PON2: variants seen among roughly 807,000 people sequenced by gnomAD.
The protein encoded by PON2 is serum paraoxonase/arylesterase 2.
A neutral mutation model predicts 36.6 loss-of-function variants in PON2; 27 were observed. That is an observed-to-expected ratio of 0.74 (90% CI 0.54 to 1.02). The LOEUF (loss-of-function observed/expected upper bound fraction) is 1.02. PON2 is among the 50% of genes least tolerant of loss of function. The pLI, the probability that PON2 is intolerant of heterozygous loss-of-function variation, is 0.00. For synonymous variants in PON2, 149 were observed against 156.3 expected (o/e 0.95, Z 0.35); for missense variants, 363 against 421.1 (o/e 0.86, Z 1.21).
At chr7:95,411,832 T>G in intron 4 of PON2, 53 bp from the exon 5 acceptor site, 1 of 1,592,938 alleles carries the variant, frequency 6.3e-7, no homozygotes, top group South Asian at 1.1e-5. Context: ...ACGGGACCTC[T>G]GGGCAGGCAC....
In PON2 at chr7:95,407,063, A is replaced by T; in HGVS notation, c.701T>A (p.Ile234Asn). 6.3e-7 allele frequency: 1 copy of T among 1,589,982 alleles called. No homozygotes were observed. Among genetic ancestry groups the T allele is most frequent in the Admixed American group, 1.7e-5 (1 of 59,868 alleles). The change falls in exon 7 of 9, where the codon ATC (isoleucine) becomes AAC (asparagine). Residue 234 changes from isoleucine to asparagine, a missense_variant. Transcript: ENST00000222572. ...ATGAGCCAATATGTCAGCAACATAG[A>T]TATACCTTTGCAGAAAGGACACAGT... ...GINISPDDKY[I>N]YVADILAHEI...
At chr7:95,412,263 T>C in intron 4 of PON2, 49 bp downstream of exon 4, 1 of 1,596,490 alleles carries the variant, frequency 6.3e-7, no homozygotes, top group Non-Finnish European at 8.6e-7. Context: ...TCACAGTCAT[T>C]TGTGAACCAT....
At chr7:95,411,898 C>CTA in intron 4 of PON2, 119 bp from the exon 5 acceptor site, 2 of 1,039,506 alleles carry the variant, frequency 1.9e-6, no homozygotes, top group Non-Finnish European at 2.9e-6. Flanking sequence ...GTTAGACGAC[C>CTA]TAACAGATCA....
At chr7:95,414,328 T>C (rs1040189322) in intron 3 of PON2, among the ~76,000 whole-genome samples, 2 of 152,154 alleles carry the variant, frequency 1.3e-5, no homozygotes, top group African/African-American at 2.4e-5. Flanking sequence ...TAGGTTTTAT[T>C]AGAGACAATG....
At chr7:95,420,538 T>A (rs369544381) in intron 2 of PON2, among the ~76,000 whole-genome samples, 7 of 152,232 alleles carry the variant, frequency 4.6e-5, no homozygotes, top group African/African-American at 1.7e-4. Context: ...ACATCCTGTA[T>A]GATATGTAGT....
At chr7:95,421,334 G>A (rs1183503220) in intron 2 of PON2, among the ~76,000 whole-genome samples, 1 of 152,238 alleles carries the variant, frequency 6.6e-6, no homozygotes, top group Non-Finnish European at 1.5e-5. Flanking sequence ...TCTACTCTGA[G>A]ACTTGTATTC....
Position 95,411,510 on chromosome 7 carries a change from A to C in PON2, c.494+143T>G, listed in dbSNP as rs550735014. On this transcript the variant is annotated intron_variant, in intron 5 of 8. Transcript: ENST00000222572. The stretch of plus-strand genomic sequence containing the variant: ...AGGAAACTATACACACACATTTATA[A>C]ATAAGGAAATATAAGCTCTTTAGCT... 8.4e-5 allele frequency: 90 copies of C among 1,066,248 alleles called. No homozygotes were observed. The African/African-American group carries it at 1.4e-3, about 16-fold the overall frequency. 66.0% of individuals were successfully genotyped at this position (1,066,248 alleles called of 1,614,324 possible). A position where few individuals can be genotyped will look rare whatever the true frequency, so the allele number is the denominator to read the frequency against.
chr7:95,407,902 G>C (rs1335789290), intron 6 of PON2, among the ~76,000 whole-genome samples: 1 of 152,168 alleles, frequency 6.6e-6, no homozygotes, highest in Non-Finnish European at 1.5e-5. Context: ...GGACGGAGGA[G>C]GCACTTCCCA....
chr7:95,407,115 C>T (rs1223434160), intron 6 of PON2, 47 bp from the exon 7 acceptor site: 2 of 1,207,334 alleles, frequency 1.7e-6, no homozygotes, highest in Non-Finnish European at 2.5e-6. Flanking sequence ...CAATATAAAG[C>T]TTCATTAATA....
At chr7:95,410,990 A>G (rs1326889408) in intron 5 of PON2, among the ~76,000 whole-genome samples, 2 of 152,142 alleles carry the variant, frequency 1.3e-5, no homozygotes, top group East Asian at 3.8e-4. Context: ...TTTTAATTTC[A>G]TTAGAAATGA....
chr7:95,419,556 TCCTTTTTAG>T (rs1789146269), intron 2 of PON2, among the ~76,000 whole-genome samples: 1 of 152,178 alleles, frequency 6.6e-6, no homozygotes, highest in African/African-American at 2.4e-5. Flanking sequence ...TTCCCCTTCT[TCCTTTTTAG>T]CCTTTTTAGC....
At chr7:95,426,530 G>T (rs1789321764) in intron 1 of PON2, among the ~76,000 whole-genome samples, 1 of 152,222 alleles carries the variant, frequency 6.6e-6, no homozygotes, top group East Asian at 1.9e-4. Context: ...AGCCAGAAGT[G>T]CTGGAAGCAG....
intron 1 of PON2, 124 bp from the exon 2 acceptor site, chr7:95,424,709 A>G: frequency 1.4e-6 from 1 of 728,450 alleles, no homozygotes; most frequent in South Asian, 1.7e-5. Context: ...TCTAAAGCAG[A>G]TGAAAGAGAA....
At position 95,435,025 on chromosome 7, in the gene PON2, C is replaced by A; in HGVS notation, c.-74G>T. On this transcript the variant is annotated 5_prime_UTR_variant, in exon 1 of 9. Transcript: ENST00000222572. ...CGTGGGCGGTGCCATCTTCCCGGCT[C>A]GATGGTGCCGGCCGCGCTCCGCCCC... 3 of 1,409,094 alleles carry A rather than the reference C, an allele frequency of 2.1e-6. No individual in the cohort carries two copies. The highest frequency in any genetic ancestry group is 1.5e-5 in the African/African-American group (1 of 66,602). The allele number at this position is 1,409,094 out of a possible 1,614,324, so 87.3% of individuals were successfully genotyped here. A position where few individuals can be genotyped will look rare whatever the true frequency, so the allele number is the denominator to read the frequency against.
chr7:95,417,624 GT>G (rs763899757), intron 2 of PON2, among the ~76,000 whole-genome samples: 3 of 99,908 alleles, frequency 3.0e-5, no homozygotes, highest in Non-Finnish European at 6.9e-5. Flanking sequence ...CTGGTAATAA[GT>G]TAAGAATCAG....
intron 1 of PON2, among the ~76,000 whole-genome samples, chr7:95,427,200 T>C (rs2116501698): frequency 6.6e-6 from 1 of 152,296 alleles, no homozygotes; most frequent in South Asian, 2.1e-4. Context: ...TCCTGGACCA[T>C]CAAGACTTCC....
Position 95,412,240 on chromosome 7 carries a change from C to T in PON2, c.367+72G>A, listed in dbSNP as rs1039368888. On this transcript the variant is annotated intron_variant, in intron 4 of 8. Transcript: ENST00000222572. ...GTTCTTCTCTTCCTAGAAATATGATCCAAATCTATTTTTCACAGTCATTTG... is the reference window on the plus strand; with the variant it reads ...GTTCTTCTCTTCCTAGAAATATGATTCAAATCTATTTTTCACAGTCATTTG... 10 of 1,560,374 alleles carry T rather than the reference C, an allele frequency of 6.4e-6. No homozygotes were observed. In the African/African-American group the frequency reaches 1.2e-4, roughly 19 times the overall value.
intron 2 of PON2, chr7:95,418,276 C>T (rs942391677): frequency 6.6e-6 from 1 of 152,156 alleles, no homozygotes; most frequent in South Asian, 2.1e-4. Flanking sequence ...CTTGTAAATA[C>T]CCTGCATACA....
chr7:95,412,348 A>C lies in PON2; in HGVS notation c.331T>G (p.Phe111Val). ...RISRGFDLAS[F>V]NPHGISTFID... is the part of the protein sequence containing the mutation. Reference sequence around the variant, plus strand: ...AAAGTGCTGATGCCATGTGGATTGAATGAGGCCAAATCAAACCCACGACTG... The same window carrying C: ...AAAGTGCTGATGCCATGTGGATTGACTGAGGCCAAATCAAACCCACGACTG... The change falls in exon 4 of 9, where the codon TTC becomes GTC. Residue 111 changes from phenylalanine to valine, a missense_variant. Transcript: ENST00000222572. 1 of 1,614,176 alleles carries C rather than the reference A, an allele frequency of 6.2e-7. No homozygotes were observed. The highest frequency in any genetic ancestry group is 8.5e-7 in the Non-Finnish European group (1 of 1,180,024).
Sources: gnomAD v4.1 joint callset for allele counts (sites outside exome capture counted in the v4.1 genomes callset) on GRCh38, gnomAD v4.1.1 for gene constraint, MANE v1.5 for transcripts, NCBI Gene and HGNC (gene_info 2026-07-23, HGNC 2026-07-21) for gene names.